The following ST3GAL6 variants were observed in gnomAD, a reference collection of about 807,000 sequenced individuals.
ST3GAL6 encodes the protein ST3 beta-galactoside alpha-2,3-sialyltransferase 6.
In ST3GAL6, 31 loss-of-function variants were observed where a neutral mutation model predicts 40.5. The observed-to-expected ratio is 0.77, with a 90% confidence interval of 0.58 to 1.03. ST3GAL6 has a LOEUF of 1.03. Ranked by LOEUF, ST3GAL6 falls within the 50% of genes least tolerant of loss-of-function variation. The probability of loss-of-function intolerance (pLI) is 0.00; values close to 1 mark genes in which losing one functional copy is unlikely to be tolerated. For synonymous variants in ST3GAL6, 129 were observed against 136.9 expected, an observed-to-expected ratio of 0.94 and a Z score of 0.40; for missense variants, 357 against 393.2, an observed-to-expected ratio of 0.91 and a Z score of 0.78.
chr3:98,764,233 A>G (rs1938095887), intron 1 of ST3GAL6, among the ~76,000 whole-genome samples: 1 of 152,222 alleles, frequency 6.6e-6, no homozygotes, highest in South Asian at 2.1e-4. Context: ...CAATGTTTCT[A>G]GAATTATTGC....
upstream of ST3GAL6, among the ~76,000 whole-genome samples, chr3:98,760,882 G>A (rs1013007830): frequency 6.6e-6 from 1 of 152,178 alleles, no homozygotes; most frequent in Admixed American, 6.5e-5. Context: ...ATGCTATTTA[G>A]CAACAAAAAG....
intron 3 of ST3GAL6, 23 bp from the exon 4 acceptor site, chr3:98,772,790 C>G: frequency 1.3e-6 from 2 of 1,578,606 alleles, no homozygotes; most frequent in Non-Finnish European, 1.7e-6. Context: ...TTGGCAAAAT[C>G]ATTCTTTATC....
At chr3:98,743,914 C>T (rs1936337123) in intron 1 of ST3GAL6, among the ~76,000 whole-genome samples, 1 of 146,418 alleles carries the variant, frequency 6.8e-6, no homozygotes, top group African/African-American at 2.5e-5. Flanking sequence ...CCCCCCCGCT[C>T]CAAGAGATAT....
chr3:98,783,091 G>T, intron 5 of ST3GAL6: 1 of 98,980 alleles, frequency 1.0e-5, no homozygotes, highest in Non-Finnish European at 1.8e-5. Flanking sequence ...AAAGAGAAGG[G>T]CTTTTTTTTT....
At chr3:98,749,024 C>A (rs1936775323) in intron 1 of ST3GAL6, among the ~76,000 whole-genome samples, 1 of 152,192 alleles carries the variant, frequency 6.6e-6, no homozygotes, top group Non-Finnish European at 1.5e-5. Flanking sequence ...TTAATTTCTG[C>A]CTTTCTTGAT....
At chr3:98,733,623 A>C in intron 1 of ST3GAL6, 2 of 984,920 alleles carry the variant, frequency 2.0e-6, no homozygotes, top group Non-Finnish European at 2.4e-6. Flanking sequence ...GGCTGCTGTT[A>C]ATTTTCAAGA....
intron 1 of ST3GAL6, among the ~76,000 whole-genome samples, chr3:98,739,147 T>G (rs572774608): frequency 1.3e-5 from 2 of 152,292 alleles, no homozygotes; most frequent in South Asian, 4.1e-4. Context: ...TCTCTGAAAC[T>G]AATCAGAACA....
At chr3:98,782,866 G>A (rs190793210) in intron 5 of ST3GAL6, 121 of 470,148 alleles carry the variant, frequency 2.6e-4, no homozygotes, top group African/African-American at 2.4e-3. Flanking sequence ...AGGAAATCCT[G>A]GAGTCTGAGA....
At chr3:98,746,882 T>G (rs828597) in intron 1 of ST3GAL6, among the ~76,000 whole-genome samples, 61,774 of 152,006 alleles carry the variant, frequency 0.41, 12,964 homozygotes, top group Middle Eastern at 0.55. Context: ...ATAATAAACC[T>G]TGTTACAATG....
At chr3:98,756,663 G>T (rs183423380) in intron 1 of ST3GAL6, 4 of 829,400 alleles carry the variant, frequency 4.8e-6, no homozygotes, top group Non-Finnish European at 6.2e-6. Context: ...ATGAATACAG[G>T]TGCCTGCTAT....
At chr3:98,778,397 A>G (rs760440805) in intron 5 of ST3GAL6, among the ~76,000 whole-genome samples, 4 of 152,234 alleles carry the variant, frequency 2.6e-5, no homozygotes, top group Non-Finnish European at 5.9e-5. Flanking sequence ...CTAACTCTAA[A>G]CGGAATATCA....
Position 98,788,223 on chromosome 3 carries a change from G to A in ST3GAL6, c.618+1G>A. 1 of 1,605,510 alleles carries A rather than the reference G, an allele frequency of 6.2e-7. No homozygotes were observed. Among genetic ancestry groups the A allele is most frequent in the Admixed American group, 1.7e-5 (1 of 58,912 alleles). ...GGAATTGTTGATGGGTGACAAAATA[G>A]TAAGTAGGCAAAATTGTTCTGCCTT... On this transcript the variant is annotated splice_donor_variant, in intron 7 of 9. Transcript: ENST00000483910. LOFTEE classifies it high-confidence loss of function.
At chr3:98,775,327 T>C (rs1204858222) in intron 5 of ST3GAL6, among the ~76,000 whole-genome samples, 1 of 152,060 alleles carries the variant, frequency 6.6e-6, no homozygotes, top group Non-Finnish European at 1.5e-5. Flanking sequence ...AATACAAAAA[T>C]TAGCCTGGCA....
At chr3:98,737,578 C>T (rs1935666832) in intron 1 of ST3GAL6, among the ~76,000 whole-genome samples, 1 of 152,128 alleles carries the variant, frequency 6.6e-6, no homozygotes, top group African/African-American at 2.4e-5. Context: ...TCATCATCAC[C>T]ACTCTATTAG....
At chr3:98,784,909 A>G (rs1940540190) in intron 5 of ST3GAL6, 36 bp from the exon 6 acceptor site, 3 of 1,510,584 alleles carry the variant, frequency 2.0e-6, no homozygotes, top group East Asian at 2.4e-5. Flanking sequence ...TTTGTAAAAG[A>G]TGGCTCAATC....
At chr3:98,781,575 G>A (rs1387918448) in intron 5 of ST3GAL6, among the ~76,000 whole-genome samples, 1 of 152,158 alleles carries the variant, frequency 6.6e-6, no homozygotes, top group Non-Finnish European at 1.5e-5. Flanking sequence ...CAGGGGCTCT[G>A]GTGGTATGCT....
chr3:98,743,855 C>A (rs1384189070), intron 1 of ST3GAL6, among the ~76,000 whole-genome samples: 1 of 152,132 alleles, frequency 6.6e-6, no homozygotes, highest in Non-Finnish European at 1.5e-5. Flanking sequence ...TGAGGGTGAG[C>A]CTTGGGCACC....
At chr3:98,768,151 A>G (rs955842473) in intron 1 of ST3GAL6, among the ~76,000 whole-genome samples, 1 of 152,192 alleles carries the variant, frequency 6.6e-6, no homozygotes, top group African/African-American at 2.4e-5. Flanking sequence ...CTTACCTACC[A>G]TGAGAAAGTA....
intron 6 of ST3GAL6, among the ~76,000 whole-genome samples, chr3:98,787,439 A>G (rs1230658125): frequency 6.6e-6 from 1 of 152,204 alleles, no homozygotes; most frequent in African/African-American, 2.4e-5. Context: ...TGCATGTCCA[A>G]CCTTGGCTTT....
Sources: allele counts gnomAD v4.1 joint callset (sites outside exome capture counted in the v4.1 genomes callset), GRCh38; gene constraint gnomAD v4.1.1; transcripts MANE v1.5; gene names NCBI Gene and HGNC (gene_info 2026-07-23, HGNC 2026-07-21).